CNTN4: variants seen among roughly 807,000 people sequenced by gnomAD.
CNTN4 encodes contactin 4.
In CNTN4, 77 loss-of-function variants were observed where a neutral mutation model predicts 122.5. The observed-to-expected ratio is 0.63, with a 90% CI of 0.52 to 0.76. The LOEUF is 0.76. Among genes scored for constraint, CNTN4 ranks in the 30% least tolerant of loss-of-function variants. The pLI is 0.00. For missense variants in CNTN4, 1,256 were observed against 1,259.1 expected (o/e 1.00, Z 0.04); for synonymous variants, 512 against 447.0 (o/e 1.15, Z -1.83).
chr3:2,650,209 T>C (rs919955065), intron 4 of CNTN4, among the ~76,000 whole-genome samples: 1 of 151,902 alleles, frequency 6.6e-6, no homozygotes, highest in Non-Finnish European at 1.5e-5. Flanking sequence ...TTTGAGGGGC[T>C]TAAAGCTTTC....
At chr3:2,186,528 C>G (rs2149311778) in intron 2 of CNTN4, among the ~76,000 whole-genome samples, 1 of 152,336 alleles carries the variant, frequency 6.6e-6, no homozygotes, top group East Asian at 1.9e-4. Flanking sequence ...AATGGTTGAA[C>G]TAGTTTACAG....
intron 2 of CNTN4, among the ~76,000 whole-genome samples, chr3:2,172,231 A>G (rs145678924): frequency 5.9e-5 from 9 of 152,230 alleles, no homozygotes; most frequent in South Asian, 2.1e-4. Flanking sequence ...ATAAAAAAAA[A>G]CGAAATAATG....
chr3:2,985,939 G>A (rs1258912451), intron 13 of CNTN4, among the ~76,000 whole-genome samples: 1 of 143,690 alleles, frequency 7.0e-6, no homozygotes, highest in African/African-American at 2.6e-5. Flanking sequence ...TTTCGAGACA[G>A]GGTCTCGCTC....
At chr3:2,233,340 A>G (rs1178485) in intron 2 of CNTN4, among the ~76,000 whole-genome samples, 1 of 152,122 alleles carries the variant, frequency 6.6e-6, no homozygotes, top group Non-Finnish European at 1.5e-5. Flanking sequence ...AACACACTTC[A>G]TAACTCCACC....
At chr3:3,000,956 G>A (rs998138924) in intron 14 of CNTN4, among the ~76,000 whole-genome samples, 8 of 148,440 alleles carry the variant, frequency 5.4e-5, no homozygotes, top group South Asian at 2.1e-4. Context: ...AGGTTATTCC[G>A]CTAATTTTGA....
chr3:2,648,589 A>G (rs1486267981), intron 4 of CNTN4, among the ~76,000 whole-genome samples: 1 of 152,142 alleles, frequency 6.6e-6, no homozygotes, highest in Non-Finnish European at 1.5e-5. Flanking sequence ...TGGCTGCCCC[A>G]CTGGCTGGCC....
At chr3:3,034,488 A>G in intron 16 of CNTN4, 144 bp from the exon 17 acceptor site, 1 of 866,274 alleles carries the variant, frequency 1.2e-6, no homozygotes, top group Non-Finnish European at 1.9e-6. Flanking sequence ...AGCACGTAGT[A>G]GGAGTTCAAA....
At chr3:2,145,871 A>G (rs1451587118) in intron 2 of CNTN4, among the ~76,000 whole-genome samples, 2 of 152,044 alleles carry the variant, frequency 1.3e-5, no homozygotes, top group East Asian at 1.9e-4. Flanking sequence ...TAATTTGACA[A>G]AGGTCATATG....
At chr3:2,890,041 T>A (rs954228394) in intron 10 of CNTN4, among the ~76,000 whole-genome samples, 1 of 152,216 alleles carries the variant, frequency 6.6e-6, no homozygotes, top group African/African-American at 2.4e-5. Flanking sequence ...AAAATAAAAT[T>A]TGCCTGCTTT....
chr3:2,138,066 C>CTTT (rs374358543), intron 2 of CNTN4, among the ~76,000 whole-genome samples: 9 of 135,986 alleles, frequency 6.6e-5, no homozygotes, highest in Non-Finnish European at 9.6e-5. Context: ...TCTTCTTCTT[C>CTTT]TTTTTTTTTT....
Position 3,026,546 on chromosome 3 carries a change from A to T in CNTN4, c.1662+269A>T, listed in dbSNP as rs543932575. On this transcript the variant is annotated intron_variant, in intron 15 of 24. Coordinates refer to ENST00000418658, the MANE Select transcript of CNTN4 (RefSeq NM_175607.3). ...AACTAAGGCTCACAGGCATTGGATG[A>T]CTTGCCTTGGCCTCATAGCTACTGA... is the stretch of plus-strand genomic sequence containing the variant. Among the ~76,000 whole-genome samples, 9 of 152,238 alleles carry T rather than the reference A, an allele frequency of 5.9e-5. No homozygotes were observed. The East Asian group carries it at 1.7e-3, about 29-fold the overall frequency.
At chr3:3,043,215 AAGTTTATTC>A in intron 22 of CNTN4, 52 bp downstream of exon 22, 2 of 1,467,554 alleles carry the variant, frequency 1.4e-6, no homozygotes, top group Non-Finnish European at 1.9e-6. Flanking sequence ...CACATATCCC[AAGTTTATTC>A]CTTATCCCCA....
intron 6 of CNTN4, among the ~76,000 whole-genome samples, chr3:2,809,118 A>G (rs2092542772): frequency 6.6e-6 from 1 of 152,236 alleles, no homozygotes; most frequent in African/African-American, 2.4e-5. Flanking sequence ...GGAGACAGTA[A>G]AAAAGAAAGT....
intron 2 of CNTN4, among the ~76,000 whole-genome samples, chr3:2,148,109 T>C (rs1187941461): frequency 6.6e-6 from 1 of 152,190 alleles, no homozygotes; most frequent in East Asian, 1.9e-4. Context: ...GGTTGATTGG[T>C]TGTGGGACTT....
intron 3 of CNTN4, among the ~76,000 whole-genome samples, chr3:2,547,525 C>T (rs2078299508): frequency 6.6e-6 from 1 of 152,040 alleles, no homozygotes; most frequent in African/African-American, 2.4e-5. Flanking sequence ...CTCGGCCTTC[C>T]AAATACTGGA....
At chr3:2,480,550 A>G (rs2075962148) in intron 3 of CNTN4, among the ~76,000 whole-genome samples, 1 of 152,262 alleles carries the variant, frequency 6.6e-6, no homozygotes, top group South Asian at 2.1e-4. Flanking sequence ...ACTTTGATAT[A>G]AATTTCACAA....
At chr3:2,617,857 T>A (rs1403467499) in intron 4 of CNTN4, among the ~76,000 whole-genome samples, 1 of 152,186 alleles carries the variant, frequency 6.6e-6, no homozygotes, top group Non-Finnish European at 1.5e-5. Context: ...TTTCAAAAAG[T>A]TGGAAATGGG....
chr3:2,296,680 G>T (rs1015633607), intron 2 of CNTN4, among the ~76,000 whole-genome samples: 2 of 151,548 alleles, frequency 1.3e-5, no homozygotes, highest in Non-Finnish European at 1.5e-5. Flanking sequence ...CTTTGATATT[G>T]TATAGAACAA....
At chr3:2,530,575 T>C (rs1236997958) in intron 3 of CNTN4, among the ~76,000 whole-genome samples, 2 of 152,124 alleles carry the variant, frequency 1.3e-5, no homozygotes, top group Non-Finnish European at 2.9e-5. Context: ...CCCAAAGTGC[T>C]GGGATTACAA....
Sources: allele counts gnomAD v4.1 joint callset (sites outside exome capture counted in the v4.1 genomes callset), GRCh38; gene constraint gnomAD v4.1.1; transcripts MANE v1.5; gene names NCBI Gene and HGNC (gene_info 2026-07-23, HGNC 2026-07-21).